The following MAMSTR variants were observed in gnomAD, a reference collection of about 807,000 sequenced individuals.
The protein encoded by MAMSTR is MEF2 activating motif and SAP domain containing transcriptional regulator.
Under a neutral mutation model 42.7 loss-of-function variants are expected in MAMSTR, and 41 were observed. That is an observed-to-expected ratio of 0.96 (90% CI 0.75 to 1.25). The LOEUF (loss-of-function observed/expected upper bound fraction) is 1.25, where lower values mean the gene tolerates loss of function less well. Among genes scored for constraint, MAMSTR ranks in the 50% most tolerant of loss-of-function variants. The pLI is 0.00. For missense variants in MAMSTR, 567 were observed against 557.6 expected, an observed-to-expected ratio of 1.02 and a Z score of -0.17; for synonymous variants, 265 against 244.1, an observed-to-expected ratio of 1.09 and a Z score of -0.80.
chr19:48,717,800 G>A (rs950403514), intron 2 of MAMSTR, among the ~76,000 whole-genome samples: 1 of 152,130 alleles, frequency 6.6e-6, no homozygotes, highest in African/African-American at 2.4e-5. Flanking sequence ...CACCTCCCGG[G>A]TGCAAGCAAT....
At chr19:48,707,413 T>TAAA in the MAMSTR span, among the ~76,000 whole-genome samples, 73 of 136,946 alleles carry the variant, frequency 5.3e-4, no homozygotes, top group African/African-American at 1.8e-3. Flanking sequence ...AGACTCCGTC[T>TAAA]AAAAAAAAAA....
intron 2 of MAMSTR, among the ~76,000 whole-genome samples, chr19:48,717,385 G>C (rs1483013449): frequency 1.3e-5 from 2 of 151,504 alleles, no homozygotes; most frequent in African/African-American, 4.9e-5. Flanking sequence ...TGTGATCATA[G>C]CTCACTGCAG....
downstream of MAMSTR, among the ~76,000 whole-genome samples, chr19:48,708,653 A>C (rs1223468405): frequency 6.6e-6 from 1 of 151,696 alleles, no homozygotes; most frequent in African/African-American, 2.4e-5. Flanking sequence ...CCTGGCCCTG[A>C]CTCCTTGGGG....
intron 4 of MAMSTR, 25 bp downstream of exon 4, chr19:48,715,600 A>T: frequency 5.9e-6 from 9 of 1,517,428 alleles, no homozygotes; most frequent in Non-Finnish European, 7.9e-6. Flanking sequence ...TCTCAGAGGG[A>T]CCTCTCCCTC....
chr19:48,713,287 G>C lies in MAMSTR; in HGVS notation c.1228C>G (p.Leu410Val). 1 of 1,601,148 alleles carries C rather than the reference G, an allele frequency of 6.2e-7. No homozygotes were observed. Among genetic ancestry groups the C allele is most frequent in the Non-Finnish European group, 8.5e-7 (1 of 1,176,560 alleles). The change falls in exon 10 of 10, where the codon CTG becomes GTG. Residue 410 changes from leucine to valine, a missense_variant. Physicochemically the swap from Leu to Val is conservative, Grantham distance 32. Transcript: ENST00000318083. ...SDSSSSRLWD[L>V]LEDPW The stretch of plus-strand genomic sequence containing the variant: ...ATCCATCACCATGGATCCTCCAGCA[G>C]GTCCCACAGCCGGCTGCTGCTGGAG...
downstream of MAMSTR, among the ~76,000 whole-genome samples, chr19:48,711,785 G>T (rs1166735184): frequency 9.0e-6 from 1 of 111,234 alleles, no homozygotes; most frequent in Non-Finnish European, 1.6e-5. Flanking sequence ...TCGCTCTGTT[G>T]CCCAGGCTGG....
chr19:48,719,226 C>G lies in MAMSTR; in HGVS notation c.-21-174G>C, dbSNP rs281395. Among the ~76,000 whole-genome samples, 65,417 of 151,900 alleles carry G rather than the reference C, an allele frequency of 0.43. 14,971 individuals are homozygous for G. Among genetic ancestry groups the G allele is most frequent in the East Asian group, 0.84 (4,302 of 5,136 alleles). ...AGGGGCTGTAGAGGAGGGGGCTGCA[C>G]ACCCGGACACCTTGCTCCGAGGAAG... On this transcript the variant is annotated intron_variant, in intron 1 of 9. Transcript: ENST00000318083. The surrounding 1 kb of genome is among the most constrained non-coding windows in gnomAD (Gnocchi z 4.4).
chr19:48,715,003 A>T lies in MAMSTR; in HGVS notation c.426-95T>A, dbSNP rs546390921. The T allele has an allele frequency of 3.6e-6, 3 of 837,524 alleles. No individual in the cohort carries two copies. The African/African-American group carries it at 5.1e-5, about 14-fold the overall frequency. 51.9% of individuals were successfully genotyped at this position (837,524 alleles called of 1,614,324 possible). ...AAAGACGGGGAGCTGGGGAAGATGCAGAAAAGTGAGGGTCCAGAATTCTGG... is the reference window on the plus strand; with the variant it reads ...AAAGACGGGGAGCTGGGGAAGATGCTGAAAAGTGAGGGTCCAGAATTCTGG... On this transcript the variant is annotated intron_variant, in intron 5 of 9. Transcript: ENST00000318083.
chr19:48,718,960 G>C lies in MAMSTR; in HGVS notation c.58+14C>G, dbSNP rs1198041451. The C allele has an allele frequency of 1.9e-6, 3 of 1,546,914 alleles. No individual in the cohort carries two copies. Among genetic ancestry groups the C allele is most frequent in the Non-Finnish European group, 2.6e-6 (3 of 1,143,636 alleles). On this transcript the variant is annotated intron_variant, in intron 2 of 9. Coordinates refer to ENST00000318083, the MANE Select transcript of MAMSTR (RefSeq NM_001130915.2). ...GGATCCCATCCCCCACGCATAAAGA[G>C]AGCCCTCTCTCACCAGATCGGAACT...
At chr19:48,715,585 T>C (rs1002222785) in intron 4 of MAMSTR, 40 bp downstream of exon 4, 1 of 1,509,842 alleles carries the variant, frequency 6.6e-7, no homozygotes, top group Non-Finnish European at 8.8e-7. Flanking sequence ...AGACAAAGAC[T>C]AGGCTCTCAG....
the MAMSTR span, among the ~76,000 whole-genome samples, chr19:48,706,901 A>G: frequency 2.6e-5 from 4 of 151,092 alleles, no homozygotes; most frequent in African/African-American, 9.7e-5. Flanking sequence ...GTTCAAGACC[A>G]GCTTGGGCAA....
Position 48,718,972 on chromosome 19 carries a change from A to C in MAMSTR, c.58+2T>G, listed in dbSNP as rs2122379980. On this transcript the variant is annotated splice_donor_variant, in intron 2 of 9. Transcript: ENST00000318083. LOFTEE classifies it high-confidence loss of function. The stretch of plus-strand genomic sequence containing the variant: ...CCACGCATAAAGAGAGCCCTCTCTC[A>C]CCAGATCGGAACTTGGAGCGAATGA... The C allele has an allele frequency of 6.4e-7, 1 of 1,550,774 alleles. No individual in the cohort carries two copies. The highest frequency in any genetic ancestry group is 1.7e-4 in the Middle Eastern group (1 of 5,992).
downstream of MAMSTR, among the ~76,000 whole-genome samples, chr19:48,710,512 T>G (rs1386527957): frequency 1.3e-5 from 2 of 148,914 alleles, no homozygotes; most frequent in Non-Finnish European, 3.0e-5. Flanking sequence ...ACCTCAAACT[T>G]CAAAGCTCAA....
At chr19:48,707,838 G>GACAAAGAAAGAAAGAAA (rs1376262803), downstream of MAMSTR, among the ~76,000 whole-genome samples, 2 of 90,902 alleles carry the variant, frequency 2.2e-5, no homozygotes, top group African/African-American at 9.4e-5. Flanking sequence ...AAGAAAGAAA[G>GACAAAGAAAGAAAGAAA]GAAAGAAAGA....
chr19:48,716,766 G>A (rs943563429), intron 2 of MAMSTR, 23 bp from the exon 3 acceptor site: 4 of 1,293,922 alleles, frequency 3.1e-6, no homozygotes, highest in Non-Finnish European at 4.0e-6. Flanking sequence ...GAGGGAGGTG[G>A]GAGGAGGAAG....
chr19:48,714,159 C>G, intron 7 of MAMSTR, 114 bp from the exon 8 acceptor site: 1 of 1,220,840 alleles, frequency 8.2e-7, no homozygotes, highest in Non-Finnish European at 1.1e-6. Context: ...CGCTCATCAA[C>G]CCCTTTGGCC....
intron 2 of MAMSTR, 49 bp downstream of exon 2, chr19:48,718,925 A>G: frequency 7.0e-7 from 1 of 1,428,772 alleles, no homozygotes; most frequent in Non-Finnish European, 9.6e-7. Flanking sequence ...CCCAGAGTAC[A>G]GCATTCTCAG....
At chr19:48,715,584 C>T in intron 4 of MAMSTR, 41 bp downstream of exon 4, 1 of 1,509,926 alleles carries the variant, frequency 6.6e-7, no homozygotes, top group Non-Finnish European at 8.8e-7. Flanking sequence ...GAGACAAAGA[C>T]TAGGCTCTCA....
chr19:48,707,222 T>C, the MAMSTR span, among the ~76,000 whole-genome samples: 3 of 150,094 alleles, frequency 2.0e-5, no homozygotes, highest in East Asian at 6.0e-4. Flanking sequence ...ATCAAGACCA[T>C]CCTGGCCAAC....
Sources: gnomAD v4.1 joint callset for allele counts (sites outside exome capture counted in the v4.1 genomes callset) on GRCh38, gnomAD v4.1.1 for gene constraint, Gnocchi (gnomAD v3.1) non-coding constraint, MANE v1.5 for transcripts, NCBI Gene and HGNC (gene_info 2026-07-23, HGNC 2026-07-21) for gene names.